PRDM16: variants seen among roughly 807,000 people sequenced by gnomAD.
The protein encoded by PRDM16 is histone-lysine N-methyltransferase PRDM16.
A neutral mutation model predicts 110.6 loss-of-function variants in PRDM16; 23 were observed. That is an observed-to-expected ratio of 0.21 (90% CI 0.15 to 0.29). The LOEUF (loss-of-function observed/expected upper bound fraction) is 0.29, where lower values mean the gene tolerates loss of function less well. PRDM16 is among the 10% of genes least tolerant of loss of function. PRDM16 has a pLI of 1.00. For synonymous variants in PRDM16, 799 were observed against 781.8 expected (o/e 1.02, Z -0.37); for missense variants, 1,615 against 1,794.3 (o/e 0.90, Z 1.81).
Position 3,148,098 on chromosome 1 carries a change from G to A in PRDM16, c.38-38027G>A, listed in dbSNP as rs768824398. 6.6e-6 allele frequency among the ~76,000 whole-genome samples: 1 copy of A among 152,092 alleles called. No homozygotes were observed. Among genetic ancestry groups the A allele is most frequent in the Non-Finnish European group, 1.5e-5 (1 of 68,030 alleles). ...GTCTTCTCTCGGGGGCCCTCTGTCC[G>A]CCTCAGTTGCAGGTGGTGGGGTGTG... On this transcript the variant is annotated intron_variant, in intron 1 of 16. Coordinates refer to ENST00000270722, the MANE Select transcript of PRDM16 (RefSeq NM_022114.4). This position sits in a 1 kb window ranked among gnomAD's most constrained non-coding sequence, Gnocchi z 5.0.
intron 1 of PRDM16, among the ~76,000 whole-genome samples, chr1:3,091,803 GA>G (rs1642282384): frequency 1.3e-5 from 2 of 152,344 alleles, no homozygotes; most frequent in African/African-American, 4.8e-5. Context: ...CAGGCTGATG[GA>G]GGGGCCCCCA....
chr1:3,307,159 G>T (rs1641334522), intron 3 of PRDM16: 1 of 152,212 alleles, frequency 6.6e-6, no homozygotes, highest in African/African-American at 2.4e-5. Context: ...AAGCTTTTGT[G>T]AAGACGTAAG....
chr1:3,274,630 C>T (rs867290852), intron 3 of PRDM16, among the ~76,000 whole-genome samples: 102 of 152,366 alleles, frequency 6.7e-4, no homozygotes, highest in African/African-American at 2.1e-3. Context: ...ACCTGCCTTC[C>T]AGGCTCTGTC....
chr1:3,254,337 G>T (rs1259951886), intron 3 of PRDM16, among the ~76,000 whole-genome samples: 3 of 152,128 alleles, frequency 2.0e-5, no homozygotes, highest in South Asian at 2.1e-4. Context: ...AGGAAATAAA[G>T]GGTATTCAAT....
At chr1:3,378,579 T>C (rs1311207380) in intron 3 of PRDM16, among the ~76,000 whole-genome samples, 2 of 152,060 alleles carry the variant, frequency 1.3e-5, no homozygotes, top group Non-Finnish European at 2.9e-5. Context: ...AAATGTACCA[T>C]GGGGCAGCAA....
intron 1 of PRDM16, among the ~76,000 whole-genome samples, chr1:3,180,821 G>A (rs1211131378): frequency 6.6e-6 from 1 of 151,956 alleles, no homozygotes; most frequent in Non-Finnish European, 1.5e-5. Context: ...ACCTTTTCAG[G>A]TTCCCAACAG....
intron 2 of PRDM16, among the ~76,000 whole-genome samples, chr1:3,194,034 G>C (rs1477545984): frequency 6.6e-6 from 1 of 152,356 alleles, no homozygotes; most frequent in Admixed American, 6.5e-5. Context: ...CCTAATTTAC[G>C]GCCTGGGCCG....
At chr1:3,355,717 G>A (rs982693831) in intron 3 of PRDM16, among the ~76,000 whole-genome samples, 4 of 152,136 alleles carry the variant, frequency 2.6e-5, no homozygotes, top group Admixed American at 2.0e-4. Flanking sequence ...AACTGGGGCC[G>A]GGAGAAGTGC....
At chr1:3,197,018 C>G (rs1037621282) in intron 2 of PRDM16, among the ~76,000 whole-genome samples, 1 of 152,188 alleles carries the variant, frequency 6.6e-6, no homozygotes, top group Non-Finnish European at 1.5e-5. Flanking sequence ...CTTCACACCA[C>G]TGGCTCATCA....
rs768208960 is a variant in PRDM16, at chr1:3,412,559, A to T, written c.2362A>T (p.Met788Leu). Reference protein sequence around the residue: ...KPKDVKPILPMPKGPSAPASG... With the variant: ...KPKDVKPILPLPKGPSAPASG... ...CAAAGACGTGAAGCCCATCCTGCCC[A>T]TGCCCAAGGGCCCCTCGGCCCCCGC... Residue 788 changes from methionine to leucine, a missense_variant, in exon 9 of 17, where the codon ATG (methionine) becomes TTG (leucine). By Grantham distance (15) the Met-to-Leu change is conservative. Around this residue, in one of 5 missense-constraint regions of PRDM16, gnomAD observed 772 missense variants for 748.3 expected, o/e 1.03. Coordinates refer to ENST00000270722, the MANE Select transcript of PRDM16 (RefSeq NM_022114.4). The T allele has an allele frequency of 3.7e-6, 6 of 1,611,358 alleles. No homozygotes were observed. Among genetic ancestry groups the T allele is most frequent in the Middle Eastern group, 1.6e-4 (1 of 6,080 alleles).
In PRDM16 at chr1:3,143,166, C is replaced by G. The variant is rs974798105; in HGVS notation, c.38-42959C>G. 1.3e-5 allele frequency among the ~76,000 whole-genome samples: 2 copies of G among 152,112 alleles called. No individual in the cohort carries two copies. The highest frequency in any genetic ancestry group is 2.9e-5 in the Non-Finnish European group (2 of 68,018). ...CCTTGTGGCAACCGCAGTGCTGGGCCGGGGGGAGTCGCTGGTTTGCAGCCC... is the reference window on the plus strand; with the variant it reads ...CCTTGTGGCAACCGCAGTGCTGGGCGGGGGGGAGTCGCTGGTTTGCAGCCC... On this transcript the variant is annotated intron_variant, in intron 1 of 16. Coordinates refer to ENST00000270722, the MANE Select transcript of PRDM16 (RefSeq NM_022114.4). This position sits in a 1 kb window ranked among gnomAD's most constrained non-coding sequence, Gnocchi z 4.5.
At chr1:3,188,745 G>C (rs1644302660) in intron 2 of PRDM16, among the ~76,000 whole-genome samples, 1 of 152,186 alleles carries the variant, frequency 6.6e-6, no homozygotes, top group Non-Finnish European at 1.5e-5. Flanking sequence ...GATGGGACGG[G>C]GGGCAGCCAT....
intron 3 of PRDM16, among the ~76,000 whole-genome samples, chr1:3,373,406 A>G (rs1036262754): frequency 6.6e-6 from 1 of 151,944 alleles, no homozygotes; most frequent in Admixed American, 6.6e-5. Flanking sequence ...GACTCCAGAC[A>G]CCTCCTCGGG....
At chr1:3,170,806 C>A (rs1041978402) in intron 1 of PRDM16, among the ~76,000 whole-genome samples, 3 of 152,238 alleles carry the variant, frequency 2.0e-5, no homozygotes, top group Non-Finnish European at 4.4e-5. Context: ...CCCTCCCCAC[C>A]CCATGATGCA....
chr1:3,135,218 C>T (rs1001418570), intron 1 of PRDM16, among the ~76,000 whole-genome samples: 7 of 152,168 alleles, frequency 4.6e-5, no homozygotes, highest in South Asian at 2.1e-4. Context: ...CCCCAGGCTC[C>T]GCCACCACCC....
At chr1:3,172,892 G>T (rs535428814) in intron 1 of PRDM16, among the ~76,000 whole-genome samples, 15 of 152,216 alleles carry the variant, frequency 9.9e-5, no homozygotes, top group Non-Finnish European at 2.1e-4. Flanking sequence ...GCATGAATGT[G>T]CTTAATGCCA....
At chr1:3,235,458 G>A (rs1303713497) in intron 2 of PRDM16, among the ~76,000 whole-genome samples, 1 of 152,206 alleles carries the variant, frequency 6.6e-6, no homozygotes, top group Non-Finnish European at 1.5e-5. Context: ...GGAGGAAGGT[G>A]TCCACAGAGG....
intron 2 of PRDM16, among the ~76,000 whole-genome samples, chr1:3,218,626 CTCTT>C (rs1237889589): frequency 2.0e-5 from 3 of 152,352 alleles, no homozygotes; most frequent in Middle Eastern, 3.4e-3. Flanking sequence ...TTCCTTCTGG[CTCTT>C]TCTTTCTTTG....
Position 3,434,671 on chromosome 1 carries a change from C to T in PRDM16, c.*860C>T. ...ATTGGTGTCAGGACCGCCACGTGGCCTTCAGAGGAATCCACAGGTCCCCAC... is the reference window on the plus strand; with the variant it reads ...ATTGGTGTCAGGACCGCCACGTGGCTTTCAGAGGAATCCACAGGTCCCCAC... On this transcript the variant is annotated 3_prime_UTR_variant, in exon 17 of 17. Coordinates refer to ENST00000270722, the MANE Select transcript of PRDM16 (RefSeq NM_022114.4). 4.3e-6 allele frequency: 1 copy of T among 232,658 alleles called. No individual in the cohort carries two copies. The highest frequency in any genetic ancestry group is 8.5e-6 in the Non-Finnish European group (1 of 117,664). 14.4% of individuals were successfully genotyped at this position (232,658 alleles called of 1,614,324 possible).
Sources: allele counts gnomAD v4.1 joint callset (sites outside exome capture counted in the v4.1 genomes callset), GRCh38; gene constraint gnomAD v4.1.1; regional missense constraint gnomAD v4.1.1; non-coding constraint Gnocchi (gnomAD v3.1); transcripts MANE v1.5; gene names NCBI Gene and HGNC (gene_info 2026-07-23, HGNC 2026-07-21).